The following CTNNA2 variants were observed in gnomAD, a reference collection of about 807,000 sequenced individuals.
CTNNA2 encodes the protein catenin alpha-2.
Under a neutral mutation model 101.0 loss-of-function variants are expected in CTNNA2, and 42 were observed. The ratio of observed to expected loss-of-function variants is 0.42; its 90% CI spans 0.32 to 0.54. The LOEUF is 0.54. Among genes scored for constraint, CTNNA2 ranks in the 20% least tolerant of loss-of-function variants. The pLI is 0.14. For synonymous variants in CTNNA2, 450 were observed against 456.4 expected, an observed-to-expected ratio of 0.99 and a Z score of 0.18; for missense variants, 871 against 1,223.1, an observed-to-expected ratio of 0.71 and a Z score of 4.29.
intron 1 of CTNNA2, among the ~76,000 whole-genome samples, chr2:79,569,049 A>G (rs946353171): frequency 1.3e-5 from 2 of 152,114 alleles, no homozygotes; most frequent in African/African-American, 4.8e-5. Flanking sequence ...AATAAAAATG[A>G]CATAATATTA....
intron 1 of CTNNA2, among the ~76,000 whole-genome samples, chr2:79,546,470 C>T (rs756826511): frequency 9.9e-5 from 15 of 152,094 alleles, no homozygotes; most frequent in Non-Finnish European, 1.9e-4. Context: ...TACCGTAGCA[C>T]TGAATAAGTT....
chr2:80,124,815 C>T (rs1453019394), intron 7 of CTNNA2, among the ~76,000 whole-genome samples: 1 of 152,140 alleles, frequency 6.6e-6, no homozygotes, highest in East Asian at 1.9e-4. Context: ...CTCAAAGACC[C>T]CTGTCAAGCT....
chr2:79,958,403 C>T (rs371959892), intron 7 of CTNNA2, among the ~76,000 whole-genome samples: 3 of 152,018 alleles, frequency 2.0e-5, no homozygotes, highest in East Asian at 1.9e-4. Context: ...CTGGATTGTT[C>T]GAGTGGCCCC....
chr2:80,485,122 T>C (rs75561247), intron 9 of CTNNA2, among the ~76,000 whole-genome samples: 2 of 152,134 alleles, frequency 1.3e-5, no homozygotes, highest in East Asian at 3.9e-4. Context: ...TTTGTGGGTG[T>C]TTTCCCAAGT....
chr2:79,806,359 G>A (rs1416033970), intron 3 of CTNNA2, among the ~76,000 whole-genome samples: 4 of 152,178 alleles, frequency 2.6e-5, no homozygotes, highest in Non-Finnish European at 5.9e-5. Flanking sequence ...AGAGGTGTAT[G>A]TGTTCAGACG....
At chr2:79,925,381 C>T (rs1418717467) in intron 7 of CTNNA2, among the ~76,000 whole-genome samples, 3 of 152,122 alleles carry the variant, frequency 2.0e-5, no homozygotes, top group African/African-American at 4.8e-5. Context: ...GAAACAGTGA[C>T]AAGAGAAATA....
At chr2:79,297,752 A>G (rs1558612701) in intron 2 of CTNNA2, among the ~76,000 whole-genome samples, 2 of 152,016 alleles carry the variant, frequency 1.3e-5, no homozygotes, top group South Asian at 4.2e-4. Flanking sequence ...CCTTCTATCT[A>G]TTTATCTATC....
chr2:79,603,142 A>G (rs1677656059), intron 1 of CTNNA2, among the ~76,000 whole-genome samples: 1 of 152,144 alleles, frequency 6.6e-6, no homozygotes, highest in Admixed American at 6.5e-5. Context: ...CATCACATGC[A>G]TGGGAAAAAA....
chr2:80,471,947 G>A (rs188640638), intron 9 of CTNNA2, among the ~76,000 whole-genome samples: 1 of 152,130 alleles, frequency 6.6e-6, no homozygotes, highest in African/African-American at 2.4e-5. Context: ...CCAATGTGGC[G>A]AAACCCCATC....
intron 4 of CTNNA2, among the ~76,000 whole-genome samples, chr2:79,459,729 C>T (rs1330167262): frequency 6.6e-6 from 1 of 152,152 alleles, no homozygotes; most frequent in Non-Finnish European, 1.5e-5. Context: ...TGTTTAATAT[C>T]TTTAGCATTG....
At chr2:79,987,952 T>A (rs888665573) in intron 7 of CTNNA2, among the ~76,000 whole-genome samples, 2 of 152,220 alleles carry the variant, frequency 1.3e-5, no homozygotes, top group Non-Finnish European at 2.9e-5. Context: ...ACAGTTACCC[T>A]GTTCAGGTCT....
intron 7 of CTNNA2, among the ~76,000 whole-genome samples, chr2:80,326,772 A>C (rs983742573): frequency 1.3e-5 from 2 of 152,196 alleles, no homozygotes; most frequent in South Asian, 4.1e-4. Flanking sequence ...TCTAGCTTTA[A>C]AGGAAGATGG....
At chr2:79,329,315 C>A (rs562452037) in intron 3 of CTNNA2, among the ~76,000 whole-genome samples, 4 of 152,120 alleles carry the variant, frequency 2.6e-5, no homozygotes, top group Admixed American at 2.0e-4. Context: ...ACTATCTCAA[C>A]CCCGGGAACA....
chr2:79,807,734 A>G (rs1676690736), intron 3 of CTNNA2, among the ~76,000 whole-genome samples: 1 of 152,204 alleles, frequency 6.6e-6, no homozygotes, highest in Non-Finnish European at 1.5e-5. Context: ...CTGAAGTTAC[A>G]GCTGTCCCAT....
intron 2 of CTNNA2, among the ~76,000 whole-genome samples, chr2:79,241,969 G>A (rs970378969): frequency 1.3e-5 from 2 of 151,632 alleles, no homozygotes; most frequent in African/African-American, 2.4e-5. Flanking sequence ...GCAGTGGCGC[G>A]ATCTCCGCTC....
chr2:79,496,814 A>T (rs990870750), intron 4 of CTNNA2, among the ~76,000 whole-genome samples: 2 of 151,928 alleles, frequency 1.3e-5, no homozygotes, highest in South Asian at 2.1e-4. Context: ...ACTTTAAAAT[A>T]AAAAAATATT....
chr2:79,310,423 T>A (rs1336722947), intron 2 of CTNNA2, among the ~76,000 whole-genome samples: 1 of 152,214 alleles, frequency 6.6e-6, no homozygotes, highest in Non-Finnish European at 1.5e-5. Context: ...TATATGCTTT[T>A]CCTACATACA....
At chr2:79,532,220 G>C (rs973833988) in intron 1 of CTNNA2, among the ~76,000 whole-genome samples, 1 of 151,894 alleles carries the variant, frequency 6.6e-6, no homozygotes, top group Admixed American at 6.6e-5. Context: ...AGCCCACTGG[G>C]TCTCAGAAAA....
chr2:79,430,860 TAA>T (rs1394726278), intron 4 of CTNNA2, among the ~76,000 whole-genome samples: 7 of 142,872 alleles, frequency 4.9e-5, no homozygotes, highest in Admixed American at 1.4e-4. Context: ...AATTACTATG[TAA>T]AGACTTCATT....
Sources: allele counts gnomAD v4.1 joint callset (sites outside exome capture counted in the v4.1 genomes callset), GRCh38; gene constraint gnomAD v4.1.1; transcripts MANE v1.5; gene names NCBI Gene and HGNC (gene_info 2026-07-23, HGNC 2026-07-21).